PCSK5: variants seen among roughly 807,000 people sequenced by gnomAD.
PCSK5 encodes the protein prohormone convertase 5.
PCSK5 carries 129 observed loss-of-function variants against 233.2 expected under a neutral mutation model. The observed-to-expected ratio is 0.55, with a 90% confidence interval of 0.48 to 0.64. The LOEUF (loss-of-function observed/expected upper bound fraction) is 0.64. Among genes scored for constraint, PCSK5 ranks in the 30% least tolerant of loss-of-function variants. PCSK5 has a pLI of 0.00. For missense variants in PCSK5, 2,076 were observed against 2,430.1 expected, an observed-to-expected ratio of 0.85 and a Z score of 3.06; for synonymous variants, 825 against 879.2, an observed-to-expected ratio of 0.94 and a Z score of 1.09.
At position 76,159,021 on chromosome 9, in the gene PCSK5, A is replaced by G; in HGVS notation, c.1469A>G (p.Lys490Arg). 1 of 1,614,104 alleles carries G rather than the reference A, an allele frequency of 6.2e-7. No homozygotes were observed. Among genetic ancestry groups the G allele is most frequent in the Non-Finnish European group, 8.5e-7 (1 of 1,179,990 alleles). ...AACAGTGCAGTGCGCTCCATCTACA[A>G]AGCTTCAGGCTGCTCGGATAACCCC... ...RPNSAVRSIY[K>R]ASGCSDNPNR... Residue 490 changes from lysine (K) to arginine (R), a missense_variant, in exon 12 of 38, where the codon AAA (lysine) becomes AGA (arginine). Transcript: ENST00000674117.
chr9:75,985,533 T>G (rs1444999043), intron 2 of PCSK5, among the ~76,000 whole-genome samples: 2 of 152,170 alleles, frequency 1.3e-5, no homozygotes, highest in African/African-American at 4.8e-5. Context: ...TGGAGCGTTT[T>G]GATCCCAGAA....
chr9:75,999,378 G>A (rs1827168615), intron 3 of PCSK5, among the ~76,000 whole-genome samples: 1 of 139,848 alleles, frequency 7.2e-6, no homozygotes, highest in Non-Finnish European at 1.6e-5. Context: ...GGAAATCAGG[G>A]GTCTCACAGC....
At chr9:75,970,481 T>C (rs1465666123) in intron 2 of PCSK5, among the ~76,000 whole-genome samples, 1 of 152,216 alleles carries the variant, frequency 6.6e-6, no homozygotes, top group East Asian at 1.9e-4. Context: ...TCTCCTGTCA[T>C]TTGCAGACTA....
At chr9:76,114,427 A>G (rs1255816024) in intron 9 of PCSK5, among the ~76,000 whole-genome samples, 1 of 152,144 alleles carries the variant, frequency 6.6e-6, no homozygotes, top group Non-Finnish European at 1.5e-5. Flanking sequence ...CAAATTATGT[A>G]GAAGCCAACT....
chr9:75,900,701 A>G lies in PCSK5; in HGVS notation c.192+9328A>G, dbSNP rs564235320. Among the ~76,000 whole-genome samples the G allele has an allele frequency of 1.6e-3, 223 of 138,854 alleles. 2 individuals are homozygous for G. Among genetic ancestry groups the G allele is most frequent in the Non-Finnish European group, 2.7e-3 (170 of 64,008 alleles). 91.1% of individuals were successfully genotyped at this position (138,854 alleles called of 152,430 possible). A position where few individuals can be genotyped will look rare whatever the true frequency, so the allele number is the denominator to read the frequency against. On this transcript the variant is annotated intron_variant, in intron 1 of 37. Transcript: ENST00000674117. ...CTCAAAAAAAAAAAAAAAACAAACA[A>G]CTTTTTTTTTTTTTTTTACCCTGCA...
At chr9:76,137,647 A>G (rs11144761) in intron 10 of PCSK5, among the ~76,000 whole-genome samples, 32,379 of 151,968 alleles carry the variant, frequency 0.21, 4,033 homozygotes, top group East Asian at 0.41. Context: ...AACCTCCTCC[A>G]GAGATAGTTT....
At chr9:75,924,998 T>C (rs1042151646) in intron 1 of PCSK5, among the ~76,000 whole-genome samples, 25 of 152,192 alleles carry the variant, frequency 1.6e-4, no homozygotes, top group African/African-American at 5.8e-4. Flanking sequence ...AGTGAAGTAA[T>C]GGCTGGCTTG....
chr9:76,298,591 C>T lies in PCSK5; in HGVS notation c.3523+1726C>T, dbSNP rs555191944. Reference sequence around the variant, plus strand: ...TGGATAGTAAATGGGAAATGCATTCCATAAAGTCCTGGGAGTATTTGAGCC... The same window carrying T: ...TGGATAGTAAATGGGAAATGCATTCTATAAAGTCCTGGGAGTATTTGAGCC... On this transcript the variant is annotated intron_variant, in intron 27 of 37. Coordinates refer to ENST00000674117, the MANE Select transcript of PCSK5 (RefSeq NM_001372043.1). Among the ~76,000 whole-genome samples the T allele has an allele frequency of 8.1e-4, 123 of 152,214 alleles. 1 individual carries two copies. Among genetic ancestry groups the T allele is most frequent in the Middle Eastern group, 3.4e-3 (1 of 294 alleles).
chr9:76,242,624 GAAGAT>G (rs1274888413), intron 24 of PCSK5, among the ~76,000 whole-genome samples: 6 of 152,206 alleles, frequency 3.9e-5, no homozygotes, highest in African/African-American at 1.4e-4. Context: ...TGAAGTGATA[GAAGAT>G]GAGTTTGCAC....
chr9:75,980,760 T>TTTTTC (rs34831350), intron 2 of PCSK5, among the ~76,000 whole-genome samples: 6 of 150,440 alleles, frequency 4.0e-5, no homozygotes, highest in African/African-American at 1.2e-4. Context: ...TTTTTTTTTT[T>TTTTTC]CTCACCAGTT....
chr9:76,226,361 G>A (rs1300726201), intron 20 of PCSK5, among the ~76,000 whole-genome samples: 1 of 152,218 alleles, frequency 6.6e-6, no homozygotes, highest in African/African-American at 2.4e-5. Flanking sequence ...GTCCAGTAAA[G>A]CGATGGGGGA....
chr9:76,123,189 A>G (rs1358578021), intron 9 of PCSK5, among the ~76,000 whole-genome samples: 1 of 152,132 alleles, frequency 6.6e-6, no homozygotes, highest in African/African-American at 2.4e-5. Context: ...TTTGATGCAC[A>G]AATGTCATGC....
chr9:76,084,614 A>T (rs1428291306), intron 7 of PCSK5, among the ~76,000 whole-genome samples: 1 of 152,190 alleles, frequency 6.6e-6, no homozygotes, highest in East Asian at 1.9e-4. Flanking sequence ...AGTATGGTAT[A>T]GTATGGGTGT....
chr9:76,136,006 A>G (rs1822957640), intron 10 of PCSK5, among the ~76,000 whole-genome samples: 1 of 152,044 alleles, frequency 6.6e-6, no homozygotes, highest in African/African-American at 2.4e-5. Flanking sequence ...GGGTTTGTGC[A>G]CTGCTTTAAG....
chr9:76,005,712 A>T (rs1373553280), intron 3 of PCSK5, among the ~76,000 whole-genome samples: 1 of 152,202 alleles, frequency 6.6e-6, no homozygotes, highest in Non-Finnish European at 1.5e-5. Flanking sequence ...TAGATTGCTC[A>T]TTCCAAAGGT....
chr9:75,924,566 G>A (rs534653555), intron 1 of PCSK5, among the ~76,000 whole-genome samples: 23 of 152,066 alleles, frequency 1.5e-4, no homozygotes, highest in Admixed American at 1.2e-3. Flanking sequence ...TGGGGTTAGC[G>A]GTATAACCAG....
chr9:75,897,489 C>CCTTTTTTTTT (rs1825858951), intron 1 of PCSK5, among the ~76,000 whole-genome samples: 1 of 119,630 alleles, frequency 8.4e-6, no homozygotes, highest in Non-Finnish European at 1.6e-5. Context: ...TCTTTCTTTT[C>CCTTTTTTTTT]TTTTTTTTTT....
chr9:76,035,447 T>G (rs900799656), intron 5 of PCSK5, among the ~76,000 whole-genome samples: 4 of 152,314 alleles, frequency 2.6e-5, no homozygotes, highest in Non-Finnish European at 5.9e-5. Context: ...CTTGTTTTTC[T>G]CTGCCAATTT....
intron 7 of PCSK5, 108 bp downstream of exon 7, chr9:76,072,006 A>G (rs1372635258): frequency 1.9e-6 from 2 of 1,033,268 alleles, no homozygotes; most frequent in Non-Finnish European, 2.8e-6. Context: ...TGGAGCTCCT[A>G]GGCTGAGCCA....
Sources: allele counts gnomAD v4.1 joint callset (sites outside exome capture counted in the v4.1 genomes callset), GRCh38; gene constraint gnomAD v4.1.1; transcripts MANE v1.5; gene names NCBI Gene and HGNC (gene_info 2026-07-23, HGNC 2026-07-21).